Variants in PRKDC observed in about 807,000 individuals in gnomAD.
PRKDC encodes the protein DNA-dependent protein kinase catalytic subunit.
In PRKDC, 82 loss-of-function variants were observed where a neutral mutation model predicts 486.9. That is an observed-to-expected ratio of 0.17 (90% CI 0.14 to 0.20). The LOEUF is 0.20. Ranked by LOEUF, PRKDC falls within the 10% of genes least tolerant of loss-of-function variation. The probability of loss-of-function intolerance (pLI) is 1.00; values close to 1 mark genes in which losing one functional copy is unlikely to be tolerated. For synonymous variants in PRKDC, 1,895 were observed against 1,837.0 expected, an observed-to-expected ratio of 1.03 and a Z score of -0.81; for missense variants, 4,504 against 5,038.2, an observed-to-expected ratio of 0.89 and a Z score of 3.21.
chr8:47,836,927 GT>G (rs1187151476), intron 57 of PRKDC, among the ~76,000 whole-genome samples: 5 of 152,216 alleles, frequency 3.3e-5, no homozygotes, highest in African/African-American at 9.6e-5. Context: ...TCATCCCACT[GT>G]TTAGGCTGCT....
intron 40 of PRKDC, among the ~76,000 whole-genome samples, chr8:47,868,146 T>C (rs566910462): frequency 6.6e-6 from 1 of 152,336 alleles, no homozygotes; most frequent in East Asian, 1.9e-4. Context: ...TCTATAGTTT[T>C]CTTGTGCTGT....
rs1326275883 is a variant in PRKDC, at chr8:47,953,678, T to C, written c.663A>G (p.Ala221=). The C allele has an allele frequency of 6.2e-7, 1 of 1,613,574 alleles. No homozygotes were observed. The highest frequency in any genetic ancestry group is 1.1e-5 in the South Asian group (1 of 90,882). The change falls in exon 7 of 86, where the codon GCA becomes GCG. Residue 221 remains alanine (A), a synonymous_variant. Coordinates refer to ENST00000314191, the MANE Select transcript of PRKDC (RefSeq NM_006904.7). ...GTGAGGACAACCCCTTCAGACATCC[T>C]GCCAGAACAGGTAGTTTGGGCTCTC... The part of the protein sequence containing the change: ...AVREPKLPVL[A]GCLKGLSSLL...
Position 47,951,765 on chromosome 8 carries a change from A to G in PRKDC, c.721+1855T>C, listed in dbSNP as rs560502479. Among the ~76,000 whole-genome samples the G allele has an allele frequency of 7.9e-5, 12 of 152,302 alleles. No individual in the cohort carries two copies. The East Asian group carries it at 2.3e-3, about 29-fold the overall frequency. ...AGAAAATGATATCTACAACTCAACAAAAAGTCAAACAAACCAATTAACCTA... is the reference window on the plus strand; with the variant it reads ...AGAAAATGATATCTACAACTCAACAGAAAGTCAAACAAACCAATTAACCTA... On this transcript the variant is annotated intron_variant, in intron 7 of 85. Coordinates refer to ENST00000314191, the MANE Select transcript of PRKDC (RefSeq NM_006904.7).
At chr8:47,869,682 G>C (rs558384376) in intron 40 of PRKDC, among the ~76,000 whole-genome samples, 2 of 152,078 alleles carry the variant, frequency 1.3e-5, no homozygotes, top group East Asian at 3.9e-4. Context: ...TTCATGCCTT[G>C]CAACATGGGC....
Position 47,929,014 on chromosome 8 carries a change from G to C in PRKDC, c.2139+78C>G, listed in dbSNP as rs534358033. ...CCCAATTCTTAAAATAATTATTTAT[G>C]ATCACTAGGATTTTTTCAATAGATA... On this transcript the variant is annotated intron_variant, in intron 19 of 85. Coordinates refer to ENST00000314191, the MANE Select transcript of PRKDC (RefSeq NM_006904.7). The C allele has an allele frequency of 3.6e-6, 4 of 1,123,530 alleles. No individual in the cohort carries two copies. The African/African-American group carries it at 6.3e-5, about 18-fold the overall frequency. The allele number at this position is 1,123,530 out of a possible 1,614,324, so 69.6% of individuals were successfully genotyped here.
Position 47,838,780 on chromosome 8 carries a change from TCAAA to T in PRKDC, c.7553+364_7553+367del, listed in dbSNP as rs1178150004. On this transcript the variant is annotated intron_variant, in intron 56 of 85. Coordinates refer to ENST00000314191, the MANE Select transcript of PRKDC (RefSeq NM_006904.7). ...ACAGTTTCCTCTCATTTCTAAAGTT[TCAAA>T]CACTTTATTTTCAACATTAATACTT... Among the ~76,000 whole-genome samples, 6 of 152,354 alleles carry T rather than the reference TCAAA, an allele frequency of 3.9e-5. No individual in the cohort carries two copies. In the East Asian group the frequency reaches 1.2e-3, roughly 29 times the overall value.
intron 35 of PRKDC, among the ~76,000 whole-genome samples, chr8:47,886,516 C>G (rs1017959187): frequency 6.6e-6 from 1 of 151,670 alleles, no homozygotes; most frequent in South Asian, 2.1e-4. Context: ...TCAGCACCCC[C>G]GAGTATCTGG....
intron 80 of PRKDC, among the ~76,000 whole-genome samples, chr8:47,779,984 G>C (rs2086671855): frequency 6.9e-6 from 1 of 145,310 alleles, no homozygotes; most frequent in Non-Finnish European, 1.5e-5. Flanking sequence ...GTGCAATCTC[G>C]GCTTGCTACA....
At chr8:47,791,001 C>T (rs2086873644) in intron 74 of PRKDC, among the ~76,000 whole-genome samples, 1 of 152,182 alleles carries the variant, frequency 6.6e-6, no homozygotes, top group Non-Finnish European at 1.5e-5. Flanking sequence ...GGACACTGGT[C>T]TGGGCACAAA....
At chr8:47,933,931 A>C in intron 15 of PRKDC, 34 bp downstream of exon 15, 1 of 1,581,882 alleles carries the variant, frequency 6.3e-7, no homozygotes, top group Non-Finnish European at 8.6e-7. Flanking sequence ...AAAGGAAGTA[A>C]GGTACATTTA....
At chr8:47,958,966 C>A (rs2090761136) in intron 1 of PRKDC, 1 of 152,184 alleles carries the variant, frequency 6.6e-6, no homozygotes, top group South Asian at 2.1e-4. Flanking sequence ...CATCTCCTGA[C>A]CTCAGGTGAT....
At chr8:47,934,112 C>T (rs921516008) in intron 14 of PRKDC, 22 bp from the exon 15 acceptor site, 18 of 1,601,482 alleles carry the variant, frequency 1.1e-5, no homozygotes, top group Middle Eastern at 3.3e-4. Flanking sequence ...GACAGCATGA[C>T]AATATGTAGT....
At chr8:47,938,530 G>A (rs1371824799) in intron 11 of PRKDC, among the ~76,000 whole-genome samples, 2 of 152,026 alleles carry the variant, frequency 1.3e-5, no homozygotes, top group African/African-American at 2.4e-5. Flanking sequence ...ATTCCACTAA[G>A]AGGAAATAAC....
At position 47,777,794 on chromosome 8, in the gene PRKDC, G is replaced by T; in HGVS notation, c.11934C>A (p.Gly3978=). Residue 3978 remains glycine (G), a synonymous_variant, in exon 84 of 86, where the codon GGC becomes GGA. Transcript: ENST00000314191. ...INLMLPMKET[G]LMYSIMVHAL... ...CGTGTACCATGATGCTGTACATAAG[G>T]CCCGTTTCTTTCATTGGTAACATCA... The T allele has an allele frequency of 6.2e-7, 1 of 1,613,950 alleles. No homozygotes were observed. Among genetic ancestry groups the T allele is most frequent in the Non-Finnish European group, 8.5e-7 (1 of 1,179,890 alleles).
intron 70 of PRKDC, among the ~76,000 whole-genome samples, chr8:47,802,654 T>A (rs796684023): frequency 3.4e-5 from 5 of 147,098 alleles, no homozygotes; most frequent in African/African-American, 1.2e-4. Context: ...GTTTTTGTAA[T>A]TTTTTTTTTT....
chr8:47,898,922 G>C lies in PRKDC; in HGVS notation c.3365-353C>G, dbSNP rs8178082. 5.2e-3 allele frequency among the ~76,000 whole-genome samples: 791 copies of C among 152,314 alleles called. 12 individuals carry two copies. Among genetic ancestry groups the C allele is most frequent in the African/African-American group, 0.018 (765 of 41,554 alleles). Reference sequence around the variant, plus strand: ...GACCTGAGATGGAAGAGACTTTGCAGGTATTACAAAACCCACATACCAGGC... The same window carrying C: ...GACCTGAGATGGAAGAGACTTTGCACGTATTACAAAACCCACATACCAGGC... On this transcript the variant is annotated intron_variant, in intron 28 of 85. Coordinates refer to ENST00000314191, the MANE Select transcript of PRKDC (RefSeq NM_006904.7).
At chr8:47,780,128 T>C (rs1367148783) in intron 80 of PRKDC, among the ~76,000 whole-genome samples, 2 of 151,500 alleles carry the variant, frequency 1.3e-5, no homozygotes, top group Non-Finnish European at 2.9e-5. Context: ...TTGACCAGAC[T>C]GGTCTCGAAT....
rs557371693 is a variant in PRKDC, at chr8:47,872,996, C to T, written c.5363+4728G>A. Reference sequence around the variant, plus strand: ...CAATGGCTGCAGAAAACACATTACCCTGATAGGCACATGGATCATTCTCAA... The same window carrying T: ...CAATGGCTGCAGAAAACACATTACCTTGATAGGCACATGGATCATTCTCAA... On this transcript the variant is annotated intron_variant, in intron 40 of 85. Transcript: ENST00000314191. Among the ~76,000 whole-genome samples the T allele has an allele frequency of 3.9e-5, 6 of 152,198 alleles. No homozygotes were observed. The East Asian group carries it at 9.6e-4, about 24-fold the overall frequency.
chr8:47,837,519 C>A, intron 56 of PRKDC, 100 bp from the exon 57 acceptor site: 1 of 892,526 alleles, frequency 1.1e-6, no homozygotes, highest in East Asian at 2.6e-5. Flanking sequence ...GCTCTTCACC[C>A]ACATGAAGCT....
Sources: gnomAD v4.1 joint callset for allele counts (sites outside exome capture counted in the v4.1 genomes callset) on GRCh38, gnomAD v4.1.1 for gene constraint, MANE v1.5 for transcripts, NCBI Gene and HGNC (gene_info 2026-07-23, HGNC 2026-07-21) for gene names.